LNP1: variants seen among roughly 807,000 people sequenced by gnomAD.
The protein encoded by LNP1 is leukemia NUP98 fusion partner 1.
Under a neutral mutation model 14.5 loss-of-function variants are expected in LNP1, and 12 were observed. The observed-to-expected ratio is 0.83, with a 90% CI of 0.53 to 1.34. LNP1 has a LOEUF of 1.34. LNP1 is among the 40% of genes most tolerant of loss of function. LNP1 has a pLI of 0.00. For synonymous variants in LNP1, 75 were observed against 71.4 expected, an observed-to-expected ratio of 1.05 and a Z score of -0.26; for missense variants, 198 against 210.9, an observed-to-expected ratio of 0.94 and a Z score of 0.38.
intron 2 of LNP1, among the ~76,000 whole-genome samples, chr3:100,446,557 A>G (rs1236339066): frequency 6.6e-6 from 1 of 152,208 alleles, no homozygotes; most frequent in Non-Finnish European, 1.5e-5. Flanking sequence ...CTTCATAACT[A>G]AAACACCAAA....
At chr3:100,410,734 T>C (rs1356213914) in intron 1 of LNP1, among the ~76,000 whole-genome samples, 2 of 152,084 alleles carry the variant, frequency 1.3e-5, no homozygotes, top group African/African-American at 2.4e-5. Flanking sequence ...TGAGACAGGA[T>C]GAAGGAAAGC....
intron 1 of LNP1, among the ~76,000 whole-genome samples, chr3:100,425,347 C>G (rs985157397): frequency 6.6e-6 from 1 of 152,118 alleles, no homozygotes; most frequent in Non-Finnish European, 1.5e-5. Context: ...AGTTTTTCTC[C>G]TAAGTGTGGA....
intron 1 of LNP1, among the ~76,000 whole-genome samples, chr3:100,413,981 A>G (rs1262176977): frequency 6.6e-6 from 1 of 152,228 alleles, no homozygotes; most frequent in Non-Finnish European, 1.5e-5. Flanking sequence ...CTTAACTTCA[A>G]CAATGAAGAA....
At chr3:100,447,068 A>C (rs1707395428) in intron 2 of LNP1, among the ~76,000 whole-genome samples, 2 of 152,206 alleles carry the variant, frequency 1.3e-5, no homozygotes, top group East Asian at 3.8e-4. Flanking sequence ...AGAACTAGAA[A>C]TACCATTTGA....
intron 2 of LNP1, among the ~76,000 whole-genome samples, chr3:100,432,124 A>G (rs1189835882): frequency 6.8e-6 from 1 of 147,084 alleles, no homozygotes; most frequent in African/African-American, 2.5e-5. Flanking sequence ...CCTTAAAGAG[A>G]AAAGCTTACT....
chr3:100,437,445 C>T (rs1040605205), intron 2 of LNP1, among the ~76,000 whole-genome samples: 2 of 152,140 alleles, frequency 1.3e-5, no homozygotes, highest in East Asian at 3.9e-4. Flanking sequence ...TGTGACCAAG[C>T]AGGGTCTGTT....
chr3:100,437,520 G>A (rs1707303603), intron 2 of LNP1, among the ~76,000 whole-genome samples: 1 of 152,170 alleles, frequency 6.6e-6, no homozygotes, highest in African/African-American at 2.4e-5. Flanking sequence ...CTTCCCAAAA[G>A]GATGTACAGT....
At chr3:100,420,732 CA>C (rs1198436020) in intron 1 of LNP1, among the ~76,000 whole-genome samples, 1 of 152,066 alleles carries the variant, frequency 6.6e-6, no homozygotes, top group Non-Finnish European at 1.5e-5. Context: ...CATTTTCCAC[CA>C]GTCTTTATCT....
At chr3:100,407,061 C>CT (rs1253791171) in intron 1 of LNP1, among the ~76,000 whole-genome samples, 5 of 152,118 alleles carry the variant, frequency 3.3e-5, no homozygotes, top group African/African-American at 1.2e-4. Flanking sequence ...AATTTTAATA[C>CT]TTTTATCTTT....
intron 1 of LNP1, among the ~76,000 whole-genome samples, chr3:100,425,416 TAGTC>T (rs976703678): frequency 6.6e-6 from 1 of 152,220 alleles, no homozygotes; most frequent in Non-Finnish European, 1.5e-5. Flanking sequence ...TGCTATCTCA[TAGTC>T]AGTGCTGTTG....
At position 100,404,756 on chromosome 3, in the gene LNP1, C is replaced by T. The variant is rs369637370; in HGVS notation, c.-34+2317C>T. Among the ~76,000 whole-genome samples the T allele has an allele frequency of 5.4e-5, 8 of 149,470 alleles. No homozygotes were observed. The East Asian group carries it at 9.9e-4, about 18-fold the overall frequency. ...GACTTTTGTCAAAAATATAACTCAT[C>T]ATTTTCCCCACTCATTCTTTCTCTT... On this transcript the variant is annotated intron_variant, in intron 1 of 3. Coordinates refer to ENST00000383693, the MANE Select transcript of LNP1 (RefSeq NM_001085451.2).
intron 2 of LNP1, among the ~76,000 whole-genome samples, chr3:100,437,315 T>G (rs1271102029): frequency 1.3e-5 from 2 of 152,222 alleles, no homozygotes; most frequent in Non-Finnish European, 1.5e-5. Context: ...TCCAAGTTCC[T>G]GAGGTGTGAA....
At chr3:100,402,928 T>C (rs1706926584) in intron 1 of LNP1, among the ~76,000 whole-genome samples, 1 of 152,250 alleles carries the variant, frequency 6.6e-6, no homozygotes. Context: ...AATATTTATC[T>C]AAAGGCCTGA....
intron 2 of LNP1, among the ~76,000 whole-genome samples, chr3:100,436,764 A>C (rs753967937): frequency 2.0e-5 from 3 of 152,186 alleles, no homozygotes; most frequent in Non-Finnish European, 4.4e-5. Context: ...CTGAAGCCCT[A>C]ATCTCCAATG....
At chr3:100,419,606 C>A (rs942738311) in intron 1 of LNP1, among the ~76,000 whole-genome samples, 2 of 152,132 alleles carry the variant, frequency 1.3e-5, no homozygotes, top group African/African-American at 4.8e-5. Context: ...AAAGCTTCCT[C>A]AAACTAAACT....
intron 1 of LNP1, among the ~76,000 whole-genome samples, chr3:100,408,272 C>T (rs1224282381): frequency 6.6e-6 from 1 of 152,208 alleles, no homozygotes; most frequent in Non-Finnish European, 1.5e-5. Context: ...CTAGGCAGGT[C>T]ATTTGGTGTG....
intron 3 of LNP1, among the ~76,000 whole-genome samples, chr3:100,453,644 A>G (rs573083054): frequency 3.9e-5 from 6 of 151,958 alleles, no homozygotes; most frequent in African/African-American, 1.4e-4. Flanking sequence ...TTGTTTTCAT[A>G]TTGTCTCAGG....
intron 1 of LNP1, among the ~76,000 whole-genome samples, chr3:100,424,411 G>A (rs1240961644): frequency 6.6e-6 from 1 of 152,176 alleles, no homozygotes; most frequent in Non-Finnish European, 1.5e-5. Flanking sequence ...GGAAATCTGG[G>A]TCAAGCTTCC....
intron 2 of LNP1, among the ~76,000 whole-genome samples, chr3:100,443,867 C>T (rs1468825866): frequency 6.6e-6 from 1 of 152,102 alleles, no homozygotes; most frequent in African/African-American, 2.4e-5. Flanking sequence ...CTGGAGAAAT[C>T]AGGTAGAGAG....
Sources: gnomAD v4.1 joint callset for allele counts (sites outside exome capture counted in the v4.1 genomes callset) on GRCh38, gnomAD v4.1.1 for gene constraint, MANE v1.5 for transcripts, NCBI Gene and HGNC (gene_info 2026-07-23, HGNC 2026-07-21) for gene names.